The following PTGIS variants were observed in gnomAD, a reference collection of about 807,000 sequenced individuals.
The protein encoded by PTGIS is prostaglandin I2 synthase, also known as prostacyclin synthase.
Under a neutral mutation model 50.3 loss-of-function variants are expected in PTGIS, and 45 were observed. The ratio of observed to expected loss-of-function variants is 0.90; its 90% CI spans 0.70 to 1.15. The LOEUF is 1.15. Ranked by LOEUF, PTGIS falls within the 50% of genes most tolerant of loss-of-function variation. The pLI is 0.00. For missense variants in PTGIS, 668 were observed against 661.3 expected (o/e 1.01, Z -0.11); for synonymous variants, 260 against 267.7 (o/e 0.97, Z 0.28).
chr20:49,533,817 C>T (rs184995875), intron 5 of PTGIS, among the ~76,000 whole-genome samples: 10 of 152,100 alleles, frequency 6.6e-5, no homozygotes, highest in Admixed American at 2.0e-4. Flanking sequence ...ACACATTATC[C>T]GGGGGTGGTG....
intron 6 of PTGIS, among the ~76,000 whole-genome samples, chr20:49,521,012 C>T (rs1981639617): frequency 6.6e-6 from 1 of 152,174 alleles, no homozygotes; most frequent in Admixed American, 6.5e-5. Context: ...TCCCTAAGGG[C>T]AGGGATTTTT....
intron 1 of PTGIS, among the ~76,000 whole-genome samples, chr20:49,551,727 G>C (rs1419998487): frequency 1.3e-5 from 2 of 151,432 alleles, no homozygotes; most frequent in Non-Finnish European, 2.9e-5. Flanking sequence ...AACTCTTTTT[G>C]TCAGCAGTGT....
intron 5 of PTGIS, among the ~76,000 whole-genome samples, chr20:49,529,817 A>G (rs1277434594): frequency 6.6e-6 from 1 of 152,140 alleles, no homozygotes; most frequent in Admixed American, 6.5e-5. Context: ...AATTGGTTTC[A>G]TTTTATTATG....
intron 1 of PTGIS, among the ~76,000 whole-genome samples, chr20:49,564,409 GC>G (rs1363342743): frequency 6.6e-6 from 1 of 152,056 alleles, no homozygotes; most frequent in Non-Finnish European, 1.5e-5. Context: ...CTGCCACCAC[GC>G]CTGGCTAATT....
At chr20:49,556,502 T>C (rs561112193) in intron 1 of PTGIS, among the ~76,000 whole-genome samples, 4 of 152,300 alleles carry the variant, frequency 2.6e-5, no homozygotes, top group Non-Finnish European at 5.9e-5. Context: ...GGTGTGAGGC[T>C]TTTAAAAAGG....
chr20:49,541,967 A>G (rs745771903), intron 4 of PTGIS, among the ~76,000 whole-genome samples: 75 of 152,304 alleles, frequency 4.9e-4, no homozygotes, highest in Non-Finnish European at 8.4e-4. Context: ...CATCACGAAA[A>G]TGGGACTCAA....
Position 49,505,203 on chromosome 20 carries a change from A to G in PTGIS, c.*2717T>C, listed in dbSNP as rs997978075. The stretch of plus-strand genomic sequence containing the variant: ...GAAAGAAAGAAAGAGTATTCCTAAC[A>G]TATGTCCAGTAATTTTGATTCTTAA... On this transcript the variant is annotated 3_prime_UTR_variant, in exon 10 of 10. Coordinates refer to ENST00000244043, the MANE Select transcript of PTGIS (RefSeq NM_000961.4). The G allele has an allele frequency of 1.3e-5, 2 of 152,098 alleles. No homozygotes were observed. The highest frequency in any genetic ancestry group is 2.4e-5 in the African/African-American group (1 of 41,418). 9.4% of individuals were successfully genotyped at this position (152,098 alleles called of 1,614,324 possible).
chr20:49,556,776 T>C (rs1243950091), intron 1 of PTGIS, among the ~76,000 whole-genome samples: 1 of 152,168 alleles, frequency 6.6e-6, no homozygotes, highest in Non-Finnish European at 1.5e-5. Context: ...GTCTAATGTT[T>C]TTCCATTTTT....
At chr20:49,567,165 G>C (rs1234402020) in intron 1 of PTGIS, among the ~76,000 whole-genome samples, 2 of 152,176 alleles carry the variant, frequency 1.3e-5, no homozygotes, top group Admixed American at 1.3e-4. Context: ...ATAAATATTT[G>C]TGTTAAGTCG....
At chr20:49,533,644 A>C (rs1186303525) in intron 5 of PTGIS, among the ~76,000 whole-genome samples, 1 of 152,180 alleles carries the variant, frequency 6.6e-6, no homozygotes, top group East Asian at 1.9e-4. Context: ...CAAAGGCAAA[A>C]ATCTATACAT....
Position 49,539,731 on chromosome 20 carries a change from GCAGA to G in PTGIS, c.522-14_522-11del, listed in dbSNP as rs757852422. Reference sequence around the variant, plus strand: ...AGTCAGGTAGCCGGCTCTGGGGGCGGCAGACAGAGGGTCAGGGGTCCTCCTGGGA... The same window carrying G: ...AGTCAGGTAGCCGGCTCTGGGGGCGGCAGAGGGTCAGGGGTCCTCCTGGGA... On this transcript the variant is annotated splice_polypyrimidine_tract_variant and intron_variant, in intron 4 of 9. Transcript: ENST00000244043. The G allele has an allele frequency of 3.1e-5, 50 of 1,608,134 alleles. No homozygotes were observed. In the African/African-American group the frequency reaches 6.4e-4, roughly 21 times the overall value.
chr20:49,545,527 A>T (rs1044086212), intron 3 of PTGIS, among the ~76,000 whole-genome samples: 3 of 152,236 alleles, frequency 2.0e-5, no homozygotes, highest in African/African-American at 7.2e-5. Context: ...ACCTGCACAG[A>T]GTGAGGAGAG....
chr20:49,568,119 C>CGGGGCTGGCGGGGCTGGT lies in PTGIS; in HGVS notation c.-4_-3insACCAGCCCCGCCAGCCCC. The CGGGGCTGGCGGGGCTGGT allele has an allele frequency of 9.9e-7, 1 of 1,011,184 alleles. No homozygotes were observed. Among genetic ancestry groups the CGGGGCTGGCGGGGCTGGT allele is most frequent in the Non-Finnish European group, 1.3e-6 (1 of 765,814 alleles). The allele number at this position is 1,011,184 out of a possible 1,614,324, so 62.6% of individuals were successfully genotyped here. ...CCGAGGAGCGCGGCCCAAGCCATCG[C>CGGGGCTGGCGGGGCTGGT]GGGGCTGGCGGGGCTGGCGGGGCTG... On this transcript the variant is annotated 5_prime_UTR_variant, in exon 1 of 10. Transcript: ENST00000244043.
chr20:49,567,323 A>G (rs1410621550), intron 1 of PTGIS, among the ~76,000 whole-genome samples: 7 of 152,166 alleles, frequency 4.6e-5, no homozygotes, highest in Admixed American at 6.5e-5. Context: ...AACCTTTGGG[A>G]CCAGGAGGCT....
At chr20:49,508,188 G>T in intron 9 of PTGIS, 124 bp from the exon 10 acceptor site, 1 of 1,155,132 alleles carries the variant, frequency 8.7e-7, no homozygotes, top group Non-Finnish European at 1.3e-6. Flanking sequence ...GTGAGGAGAG[G>T]AGTGAGGAAG....
intron 1 of PTGIS, among the ~76,000 whole-genome samples, chr20:49,553,792 A>G (rs1982565023): frequency 6.6e-6 from 1 of 152,038 alleles, no homozygotes; most frequent in Non-Finnish European, 1.5e-5. Flanking sequence ...TTGTATATGG[A>G]AAGAATCCCG....
At position 49,514,218 on chromosome 20, in the gene PTGIS, C is replaced by G; in HGVS notation, c.1024+9G>C. The G allele has an allele frequency of 2.5e-6, 4 of 1,613,276 alleles. No homozygotes were observed. In the East Asian group the frequency reaches 8.9e-5, roughly 36 times the overall value. On this transcript the variant is annotated intron_variant, in intron 7 of 9. Coordinates refer to ENST00000244043, the MANE Select transcript of PTGIS (RefSeq NM_000961.4). ...TTAGGGGCTATCTTGGAGGGTCTGA[C>G]GATCTCACCAAGCACAGGTGTGCTG...
chr20:49,512,960 TG>T, intron 8 of PTGIS, 119 bp downstream of exon 8: 2 of 1,238,106 alleles, frequency 1.6e-6, no homozygotes, highest in South Asian at 1.4e-5. Context: ...TGAAGCAATC[TG>T]GGCAATGTCA....
At chr20:49,547,721 T>C in intron 3 of PTGIS, 120 bp downstream of exon 3, 1 of 1,184,516 alleles carries the variant, frequency 8.4e-7, no homozygotes, top group Admixed American at 1.7e-5. Flanking sequence ...CTGTTTGTGT[T>C]CTCAAGACAA....
Sources: allele counts gnomAD v4.1 joint callset (sites outside exome capture counted in the v4.1 genomes callset), GRCh38; gene constraint gnomAD v4.1.1; transcripts MANE v1.5; gene names NCBI Gene and HGNC (gene_info 2026-07-23, HGNC 2026-07-21).